NUAK1: variants seen among roughly 807,000 people sequenced by gnomAD.
The protein encoded by NUAK1 is NUAK family kinase 1.
A neutral mutation model predicts 56.9 loss-of-function variants in NUAK1; 26 were observed. That is an observed-to-expected ratio of 0.46 (90% confidence interval 0.33 to 0.63). The LOEUF is 0.63. Among genes scored for constraint, NUAK1 ranks in the 30% least tolerant of loss-of-function variants. NUAK1 has a pLI of 0.02. For synonymous variants in NUAK1, 337 were observed against 336.0 expected (o/e 1.00, Z -0.03); for missense variants, 727 against 876.1 (o/e 0.83, Z 2.15).
Position 106,106,525 on chromosome 12 carries a change from C to T in NUAK1, c.241G>A (p.Val81Ile). The T allele has an allele frequency of 1.9e-6, 3 of 1,610,192 alleles. No individual in the cohort carries two copies. Among genetic ancestry groups the T allele is most frequent in the Non-Finnish European group, 2.5e-6 (3 of 1,178,638 alleles). ...TCCTTACGAATGGATTTTATAGCAA[C>T]CTATAAAGTCAGGAAATGAAATGTT... The part of the protein sequence containing the change: ...RATERFSGRV[V>I]AIKSIRKDKI... The change falls in exon 2 of 7, where the codon GTT (valine) becomes ATT (isoleucine). Residue 81 changes from valine to isoleucine, a missense_variant and splice_region_variant. Val to Ile is a conservative substitution (Grantham distance 29, BLOSUM62 3). Transcript: ENST00000261402.
rs2032314290 is a variant in NUAK1 at position 106,064,648 on chromosome 12, T to C, written c.*2154A>G. On this transcript the variant is annotated 3_prime_UTR_variant, in exon 7 of 7. Transcript: ENST00000261402. Reference sequence around the variant, plus strand: ...GTAGGTAGGAGCTAGATCTAAGTCATACTGACAGCTACGGACACGGCCAGC... The same window carrying C: ...GTAGGTAGGAGCTAGATCTAAGTCACACTGACAGCTACGGACACGGCCAGC... The C allele has an allele frequency of 6.6e-6, 1 of 152,292 alleles. No individual in the cohort carries two copies. The highest frequency in any genetic ancestry group is 2.4e-5 in the African/African-American group (1 of 41,448). 9.4% of individuals were successfully genotyped at this position (152,292 alleles called of 1,614,324 possible). A position where few individuals can be genotyped will look rare whatever the true frequency, so the allele number is the denominator to read the frequency against.
intron 1 of NUAK1, among the ~76,000 whole-genome samples, chr12:106,133,415 C>T (rs1474673690): frequency 6.6e-6 from 1 of 152,204 alleles, no homozygotes; most frequent in African/African-American, 2.4e-5. Context: ...CAAAGAACCA[C>T]ACCCAAATCC....
intron 1 of NUAK1, among the ~76,000 whole-genome samples, chr12:106,123,819 T>C (rs971537966): frequency 2.0e-5 from 3 of 152,200 alleles, no homozygotes; most frequent in Non-Finnish European, 4.4e-5. Flanking sequence ...CTCCCCGTCA[T>C]TCTGCTGATG....
At position 106,093,027 on chromosome 12, in the gene NUAK1, C is replaced by T. The variant is rs1416668598; in HGVS notation, c.362-6142G>A. On this transcript the variant is annotated intron_variant, in intron 2 of 6. Coordinates refer to ENST00000261402, the MANE Select transcript of NUAK1 (RefSeq NM_014840.3). ...AGAGGAGAAGGCACAGTCATTAACCCCAAGGAGTTGCTTTCGAGTTGGAAA... is the reference window on the plus strand; with the variant it reads ...AGAGGAGAAGGCACAGTCATTAACCTCAAGGAGTTGCTTTCGAGTTGGAAA... Among the ~76,000 whole-genome samples the T allele has an allele frequency of 2.6e-5, 4 of 152,114 alleles. No individual in the cohort carries two copies. The East Asian group carries it at 5.8e-4, about 22-fold the overall frequency.
intron 4 of NUAK1, among the ~76,000 whole-genome samples, chr12:106,077,685 A>G (rs2032478086): frequency 6.6e-6 from 1 of 152,196 alleles, no homozygotes; most frequent in South Asian, 2.1e-4. Context: ...CCCACGGACC[A>G]GCAGCATTAG....
intron 1 of NUAK1, among the ~76,000 whole-genome samples, chr12:106,117,080 C>A (rs2136477541): frequency 6.6e-6 from 1 of 152,280 alleles, no homozygotes; most frequent in South Asian, 2.1e-4. Context: ...CTGCCCAGCC[C>A]CTCCCTATTC....
chr12:106,133,339 C>T (rs2033098155), intron 1 of NUAK1, among the ~76,000 whole-genome samples: 1 of 152,156 alleles, frequency 6.6e-6, no homozygotes, highest in South Asian at 2.1e-4. Context: ...TACCCTGGCC[C>T]CTCCTCTAGA....
intron 1 of NUAK1, among the ~76,000 whole-genome samples, chr12:106,127,867 C>T (rs1350620994): frequency 6.6e-6 from 1 of 152,026 alleles, no homozygotes; most frequent in Non-Finnish European, 1.5e-5. Flanking sequence ...GTGTGCAATG[C>T]CCCGTGCCCA....
chr12:106,120,307 C>G (rs1436562817), intron 1 of NUAK1, among the ~76,000 whole-genome samples: 1 of 152,196 alleles, frequency 6.6e-6, no homozygotes, highest in Non-Finnish European at 1.5e-5. Flanking sequence ...TTGCCCTCAT[C>G]ATTGCCAAGA....
At chr12:106,101,264 C>G (rs1302137353) in intron 2 of NUAK1, among the ~76,000 whole-genome samples, 1 of 152,178 alleles carries the variant, frequency 6.6e-6, no homozygotes, top group Admixed American at 6.5e-5. Context: ...TGAGGCACGA[C>G]AGAGCAAGAA....
intron 4 of NUAK1, 151 bp downstream of exon 4, chr12:106,083,713 C>G (rs1221638153): frequency 3.0e-6 from 2 of 661,806 alleles, no homozygotes; most frequent in East Asian, 5.1e-5. Context: ...TTGAACTGGA[C>G]TTGGAGCTCA....
intron 2 of NUAK1, among the ~76,000 whole-genome samples, chr12:106,100,696 T>C (rs1325162305): frequency 2.0e-5 from 3 of 152,238 alleles, no homozygotes; most frequent in Non-Finnish European, 4.4e-5. Flanking sequence ...TCTCTAGAAC[T>C]AGTATTTCAA....
chr12:106,068,806 C>T (rs2032372053), intron 6 of NUAK1, among the ~76,000 whole-genome samples: 1 of 152,204 alleles, frequency 6.6e-6, no homozygotes, highest in Non-Finnish European at 1.5e-5. Context: ...GAATTATATT[C>T]TTGGAAGCTG....
chr12:106,089,172 G>T (rs922358180), intron 2 of NUAK1, among the ~76,000 whole-genome samples: 16 of 152,250 alleles, frequency 1.1e-4, no homozygotes, highest in Admixed American at 1.0e-3. Flanking sequence ...AGAGGGCAGC[G>T]GGTTTTCTAA....
chr12:106,107,321 T>C (rs944453109), intron 1 of NUAK1, among the ~76,000 whole-genome samples: 4 of 151,340 alleles, frequency 2.6e-5, no homozygotes, highest in Non-Finnish European at 4.4e-5. Flanking sequence ...AGGAACCTAA[T>C]AAGGAAAAGT....
intron 2 of NUAK1, among the ~76,000 whole-genome samples, chr12:106,103,594 T>A (rs771473796): frequency 6.6e-6 from 1 of 152,194 alleles, no homozygotes; most frequent in Non-Finnish European, 1.5e-5. Context: ...TACATCTCCA[T>A]GAAAACTTCC....
At chr12:106,137,128 T>C (rs2033137272) in intron 1 of NUAK1, among the ~76,000 whole-genome samples, 1 of 152,064 alleles carries the variant, frequency 6.6e-6, no homozygotes, top group African/African-American at 2.4e-5. Flanking sequence ...GAGAAATGGG[T>C]TGGGAGGGCG....
Position 106,138,616 on chromosome 12 carries a change from G to A in NUAK1, c.38C>T (p.Pro13Leu). The change falls in exon 1 of 7, where the codon CCC (proline) becomes CTC (leucine). Residue 13 changes from proline to leucine, a missense_variant. Coordinates refer to ENST00000261402, the MANE Select transcript of NUAK1 (RefSeq NM_014840.3). The surrounding 1 kb of genome is among the most constrained non-coding windows in gnomAD (Gnocchi z 5.0). ...GAAAPVAGDR[P>L]DLGLGAPGSP... Reference sequence around the variant, plus strand: ...GCCCGGCGCCCCCAGCCCCAAGTCGGGGCGGTCCCCCGCCACAGGCGCGGC... The same window carrying A: ...GCCCGGCGCCCCCAGCCCCAAGTCGAGGCGGTCCCCCGCCACAGGCGCGGC... 1.3e-6 allele frequency: 2 copies of A among 1,526,844 alleles called. No homozygotes were observed. Among genetic ancestry groups the A allele is most frequent in the Non-Finnish European group, 8.7e-7 (1 of 1,143,072 alleles). 94.6% of individuals were successfully genotyped at this position (1,526,844 alleles called of 1,614,324 possible).
intron 1 of NUAK1, among the ~76,000 whole-genome samples, chr12:106,129,815 C>T (rs2033058773): frequency 1.3e-5 from 2 of 152,174 alleles, no homozygotes; most frequent in African/African-American, 2.4e-5. Flanking sequence ...ATATTTTGCA[C>T]TTGGTAGGAT....
Sources: allele counts gnomAD v4.1 joint callset (sites outside exome capture counted in the v4.1 genomes callset), GRCh38; gene constraint gnomAD v4.1.1; non-coding constraint Gnocchi (gnomAD v3.1); transcripts MANE v1.5; gene names NCBI Gene and HGNC (gene_info 2026-07-23, HGNC 2026-07-21).